PRKD1: variants seen among roughly 807,000 people sequenced by gnomAD.
The protein encoded by PRKD1 is serine/threonine-protein kinase D1.
PRKD1 carries 63 observed loss-of-function variants against 95.9 expected under a neutral mutation model. The observed-to-expected ratio is 0.66, with a 90% CI of 0.54 to 0.81. The LOEUF (loss-of-function observed/expected upper bound fraction) is 0.81, where lower values mean the gene tolerates loss of function less well. Ranked by LOEUF, PRKD1 falls within the 30% of genes least tolerant of loss-of-function variation. The pLI, the probability that PRKD1 is intolerant of heterozygous loss-of-function variation, is 0.00. For missense variants in PRKD1, 1,048 were observed against 1,165.3 expected (o/e 0.90, Z 1.47); for synonymous variants, 425 against 423.1 (o/e 1.00, Z -0.05).
chr14:29,914,914 C>T (rs145056758), intron 1 of PRKD1, among the ~76,000 whole-genome samples: 16 of 151,954 alleles, frequency 1.1e-4, no homozygotes, highest in South Asian at 6.2e-4. Flanking sequence ...TTAGTAGAGA[C>T]GGGGTTTCAC....
chr14:29,895,313 T>A (rs1894084900), intron 1 of PRKD1, among the ~76,000 whole-genome samples: 2 of 152,122 alleles, frequency 1.3e-5, no homozygotes, highest in Admixed American at 6.5e-5. Flanking sequence ...TGAGACTCCA[T>A]CTCAAAAACA....
chr14:29,710,386 T>C (rs1053713705), intron 2 of PRKD1, among the ~76,000 whole-genome samples: 1 of 152,164 alleles, frequency 6.6e-6, no homozygotes, highest in Non-Finnish European at 1.5e-5. Context: ...CTATGTGACG[T>C]GATAAGAAAG....
At chr14:29,686,281 G>C (rs1312082513) in intron 2 of PRKD1, among the ~76,000 whole-genome samples, 1 of 152,094 alleles carries the variant, frequency 6.6e-6, no homozygotes, top group African/African-American at 2.4e-5. Flanking sequence ...ATGGACTCGC[G>C]AGCACCAGGA....
At chr14:29,598,515 T>C (rs934995229) in intron 15 of PRKD1, among the ~76,000 whole-genome samples, 1 of 152,112 alleles carries the variant, frequency 6.6e-6, no homozygotes, top group Non-Finnish European at 1.5e-5. Context: ...AGATGTGTCA[T>C]GTCATCCACA....
chr14:29,887,705 C>A (rs1327837183), intron 1 of PRKD1, among the ~76,000 whole-genome samples: 1 of 152,006 alleles, frequency 6.6e-6, no homozygotes, highest in Non-Finnish European at 1.5e-5. Flanking sequence ...TTAATTGTAC[C>A]TTTTATATAC....
chr14:29,636,044 CAA>C (rs10590081), intron 7 of PRKD1, among the ~76,000 whole-genome samples: 113,640 of 143,060 alleles, frequency 0.79, 45,669 homozygotes, highest in Non-Finnish European at 0.88. Flanking sequence ...CTCTCACATG[CAA>C]AAAAAAAAAA....
chr14:29,668,309 T>C (rs1261232824), intron 2 of PRKD1, among the ~76,000 whole-genome samples: 1 of 152,124 alleles, frequency 6.6e-6, no homozygotes, highest in African/African-American at 2.4e-5. Context: ...AATGGACAGA[T>C]AAGAATAGGA....
intron 16 of PRKD1, among the ~76,000 whole-genome samples, chr14:29,583,933 C>T (rs184575122): frequency 2.4e-4 from 37 of 152,194 alleles, no homozygotes; most frequent in Non-Finnish European, 4.0e-4. Context: ...TTTCTCCTTG[C>T]CCTATCAGTT....
chr14:29,893,911 A>T (rs908629114), intron 1 of PRKD1, among the ~76,000 whole-genome samples: 1 of 152,216 alleles, frequency 6.6e-6, no homozygotes, highest in Non-Finnish European at 1.5e-5. Context: ...GTATGTACCA[A>T]CCACTGCTTC....
At chr14:29,650,974 T>C (rs1881456579) in intron 4 of PRKD1, among the ~76,000 whole-genome samples, 1 of 152,348 alleles carries the variant, frequency 6.6e-6, no homozygotes, top group East Asian at 1.9e-4. Flanking sequence ...CTTTTTATTA[T>C]TTTTTCTATT....
intron 1 of PRKD1, among the ~76,000 whole-genome samples, chr14:29,862,779 T>C (rs2810042): frequency 0.033 from 5,088 of 152,270 alleles, 125 homozygotes; most frequent in Non-Finnish European, 0.047. Context: ...CTTTGTCAGA[T>C]GGGTCATTTG....
chr14:29,887,898 C>A (rs1445786706), intron 1 of PRKD1, among the ~76,000 whole-genome samples: 1 of 152,124 alleles, frequency 6.6e-6, no homozygotes, highest in Non-Finnish European at 1.5e-5. Flanking sequence ...AACTGCCTAA[C>A]AATACATTTC....
intron 13 of PRKD1, among the ~76,000 whole-genome samples, chr14:29,622,246 C>T (rs1174624812): frequency 2.0e-5 from 3 of 152,086 alleles, no homozygotes; most frequent in Non-Finnish European, 4.4e-5. Flanking sequence ...CGCACACCTC[C>T]TGTTGTTCGG....
chr14:29,914,519 C>A (rs946400389), intron 1 of PRKD1, among the ~76,000 whole-genome samples: 2 of 152,138 alleles, frequency 1.3e-5, no homozygotes, highest in African/African-American at 4.8e-5. Context: ...CTTTGAGAGG[C>A]CAAGGCGGGT....
intron 13 of PRKD1, among the ~76,000 whole-genome samples, chr14:29,619,522 G>T (rs977021256): frequency 6.6e-6 from 1 of 152,186 alleles, no homozygotes; most frequent in African/African-American, 2.4e-5. Flanking sequence ...CCCCTGAAGT[G>T]TGTATTCTAG....
chr14:29,871,875 G>A (rs1172231319), intron 1 of PRKD1, among the ~76,000 whole-genome samples: 1 of 152,178 alleles, frequency 6.6e-6, no homozygotes, highest in Non-Finnish European at 1.5e-5. Flanking sequence ...TCTGCATGAG[G>A]TGGTAAACTA....
chr14:29,775,617 G>T (rs1199608791), intron 1 of PRKD1, among the ~76,000 whole-genome samples: 2 of 152,154 alleles, frequency 1.3e-5, no homozygotes, highest in Non-Finnish European at 2.9e-5. Context: ...CACCATTGCT[G>T]AGGCTTGAGT....
chr14:29,608,181 G>T (rs1253266717), intron 13 of PRKD1, among the ~76,000 whole-genome samples: 1 of 151,880 alleles, frequency 6.6e-6, no homozygotes, highest in Non-Finnish European at 1.5e-5. Flanking sequence ...TTCTTTTGAT[G>T]TATCTACAAA....
At chr14:29,630,022 G>T (rs76758628) in intron 10 of PRKD1, among the ~76,000 whole-genome samples, 129 of 140,304 alleles carry the variant, frequency 9.2e-4, no homozygotes, top group South Asian at 2.7e-3. Flanking sequence ...TTCTTCTTCT[G>T]CTTCTTCTTC....
Sources: allele counts gnomAD v4.1 joint callset (sites outside exome capture counted in the v4.1 genomes callset), GRCh38; gene constraint gnomAD v4.1.1; transcripts MANE v1.5; gene names NCBI Gene and HGNC (gene_info 2026-07-23, HGNC 2026-07-21).